SBDS: variants seen among roughly 807,000 people sequenced by gnomAD.
SBDS encodes ribosome maturation protein SBDS.
In SBDS, 20 loss-of-function variants were observed where a neutral mutation model predicts 26.4. That is an observed-to-expected ratio of 0.76 (90% CI 0.53 to 1.10). The LOEUF (loss-of-function observed/expected upper bound fraction) is 1.10, where lower values mean the gene tolerates loss of function less well. Among genes scored for constraint, SBDS ranks in the 50% least tolerant of loss-of-function variants. The pLI is 0.00. For missense variants in SBDS, 241 were observed against 302.0 expected, an observed-to-expected ratio of 0.80 and a Z score of 1.50; for synonymous variants, 95 against 105.1, an observed-to-expected ratio of 0.90 and a Z score of 0.59.
rs78810914 is a variant in SBDS at position 66,991,750 on chromosome 7, C to CGGG, written c.460-452_460-450dup. 1.4e-3 allele frequency among the ~76,000 whole-genome samples: 67 copies of CGGG among 47,530 alleles called. No individual in the cohort carries two copies. The East Asian group carries it at 0.019, about 14-fold the overall frequency. The allele number at this position is 47,530 out of a possible 152,430, so 31.2% of individuals were successfully genotyped here. A position where few individuals can be genotyped will look rare whatever the true frequency, so the allele number is the denominator to read the frequency against. On this transcript the variant is annotated intron_variant, in intron 3 of 4. Coordinates refer to ENST00000246868, the MANE Select transcript of SBDS (RefSeq NM_016038.4). ...GGAGGCAGAGTTTGCAAAAAGAGGG[C>CGGG]GGGGGGGGTGGGCAAAGAACCTGAA...
chr7:66,990,310 GC>G (rs1364480305), intron 4 of SBDS, among the ~76,000 whole-genome samples: 2 of 152,182 alleles, frequency 1.3e-5, no homozygotes, highest in Non-Finnish European at 2.9e-5. Context: ...GAGCCACCGC[GC>G]CCAGCCAGGA....
At chr7:66,991,360 A>G in intron 3 of SBDS, 59 bp from the exon 4 acceptor site, 2 of 1,344,768 alleles carry the variant, frequency 1.5e-6, no homozygotes, top group Admixed American at 3.8e-5. Flanking sequence ...TAAGGTTTTC[A>G]AAAACAAAGT....
At chr7:66,993,144 C>T in intron 3 of SBDS, 73 bp downstream of exon 3, 8 of 1,359,612 alleles carry the variant, frequency 5.9e-6, no homozygotes, top group Non-Finnish European at 6.3e-6. Context: ...GCCCCAGACC[C>T]ATTATTTTAA....
At chr7:66,990,781 CT>C in intron 4 of SBDS, among the ~76,000 whole-genome samples, 1 of 152,214 alleles carries the variant, frequency 6.6e-6, no homozygotes, top group East Asian at 1.9e-4. Context: ...CTTTGGGAGG[CT>C]GAGGCAGGTG....
intron 3 of SBDS, among the ~76,000 whole-genome samples, chr7:66,991,951 A>G (rs1792984803): frequency 6.6e-6 from 1 of 152,220 alleles, no homozygotes. Context: ...GAACTCTTAA[A>G]CACTGATGGT....
Position 66,988,009 on chromosome 7 carries a change from A to C in SBDS, c.*362T>G, listed in dbSNP as rs1792903879. 3.0e-6 allele frequency: 1 copy of C among 329,164 alleles called. No homozygotes were observed. Among genetic ancestry groups the C allele is most frequent in the South Asian group, 4.1e-5 (1 of 24,268 alleles). 20.4% of individuals were successfully genotyped at this position (329,164 alleles called of 1,614,324 possible). A position where few individuals can be genotyped will look rare whatever the true frequency, so the allele number is the denominator to read the frequency against. ...GGAAAGACCCCCCCTTTTGTTGTAT[A>C]GACATACCCCTAATAATCTTACTCT... On this transcript the variant is annotated 3_prime_UTR_variant, in exon 5 of 5. Coordinates refer to ENST00000246868, the MANE Select transcript of SBDS (RefSeq NM_016038.4).
chr7:66,991,495 C>G (rs181346263), intron 3 of SBDS, among the ~76,000 whole-genome samples, 194 bp from the exon 4 acceptor site: 6 of 151,932 alleles, frequency 3.9e-5, no homozygotes, highest in African/African-American at 1.4e-4. Flanking sequence ...TTTCAAAAAA[C>G]TATGAAGAAA....
chr7:66,994,573 T>C lies in SBDS; in HGVS notation c.129-232A>G, dbSNP rs183083099. On this transcript the variant is annotated intron_variant, in intron 1 of 4. Transcript: ENST00000246868. ...GCAATGGCGCGATCTCGGGTCACTG[T>C]AACCTCAGCCTCCCGGGTTCAAGTG... 6.0e-3 allele frequency among the ~76,000 whole-genome samples: 904 copies of C among 150,584 alleles called. 14 individuals are homozygous for C. Among genetic ancestry groups the C allele is most frequent in the East Asian group, 0.042 (210 of 5,014 alleles).
Position 66,995,579 on chromosome 7 carries a change from G to C in SBDS, c.-162C>G. 5 of 1,034,678 alleles carry C rather than the reference G, an allele frequency of 4.8e-6. No homozygotes were observed. The highest frequency in any genetic ancestry group is 7.2e-6 in the Non-Finnish European group (5 of 698,530). 64.1% of individuals were successfully genotyped at this position (1,034,678 alleles called of 1,614,324 possible). A position where few individuals can be genotyped will look rare whatever the true frequency, so the allele number is the denominator to read the frequency against. The stretch of plus-strand genomic sequence containing the variant: ...TCACTAGCTTCAGGCAGCCGTCACA[G>C]TGTGTCTGGCAGGCTTACTTACTGC... On this transcript the variant is annotated 5_prime_UTR_variant, in exon 1 of 5. Transcript: ENST00000246868.
Position 66,988,287 on chromosome 7 carries a change from G to C in SBDS, c.*84C>G. The C allele has an allele frequency of 1.4e-6, 2 of 1,435,942 alleles. No individual in the cohort carries two copies. The highest frequency in any genetic ancestry group is 1.9e-6 in the Non-Finnish European group (2 of 1,028,430). 89.0% of individuals were successfully genotyped at this position (1,435,942 alleles called of 1,614,324 possible). On this transcript the variant is annotated 3_prime_UTR_variant, in exon 5 of 5. Transcript: ENST00000246868. ...AGAAAATGTCAAATAGTTTAAGCAA[G>C]TATTTGGCAGACCACAGACATGAAA...
chr7:66,994,548 G>A (rs1332145000), intron 1 of SBDS, among the ~76,000 whole-genome samples: 2 of 150,932 alleles, frequency 1.3e-5, no homozygotes, highest in African/African-American at 2.4e-5. Context: ...AGGCTGGAGT[G>A]CAATGGCGCG....
intron 3 of SBDS, among the ~76,000 whole-genome samples, chr7:66,992,551 G>C (rs1792995261): frequency 6.6e-6 from 1 of 151,600 alleles, no homozygotes; most frequent in South Asian, 2.1e-4. Flanking sequence ...TTAAAAGTTT[G>C]ATTTGGATAG....
intron 4 of SBDS, 129 bp from the exon 5 acceptor site, chr7:66,988,628 A>C (rs571801866): frequency 1.8e-6 from 2 of 1,113,338 alleles, no homozygotes; most frequent in Non-Finnish European, 2.6e-6. Context: ...TCTATGGTGC[A>C]ATAGATAAGA....
intron 4 of SBDS, among the ~76,000 whole-genome samples, chr7:66,990,629 A>G (rs955984113): frequency 6.6e-6 from 1 of 152,248 alleles, no homozygotes; most frequent in Non-Finnish European, 1.5e-5. Context: ...AAAATCATGT[A>G]TCTAAAACAC....
chr7:66,989,485 C>T (rs568302204), intron 4 of SBDS, among the ~76,000 whole-genome samples: 122 of 152,048 alleles, frequency 8.0e-4, no homozygotes, highest in Non-Finnish European at 1.3e-3. Context: ...GCAGAGGTTG[C>T]AGTGAGCTGA....
chr7:66,988,645 GT>G lies in SBDS; in HGVS notation c.625-147del, dbSNP rs1792916339. The G allele has an allele frequency of 4.1e-6, 4 of 985,752 alleles. No individual in the cohort carries two copies. The East Asian group carries it at 1.0e-4, about 26-fold the overall frequency. The allele number at this position is 985,752 out of a possible 1,614,324, so 61.1% of individuals were successfully genotyped here. ...TATGGTGCAATAGATAAGACAATGG[GT>G]AGGGCGGCACACTGGGTTCCAGTTT... On this transcript the variant is annotated intron_variant, in intron 4 of 4. Coordinates refer to ENST00000246868, the MANE Select transcript of SBDS (RefSeq NM_016038.4).
At chr7:66,993,533 C>T in intron 2 of SBDS, 116 bp from the exon 3 acceptor site, 1 of 824,698 alleles carries the variant, frequency 1.2e-6, no homozygotes, top group Non-Finnish European at 2.0e-6. Flanking sequence ...TTCATCCTCT[C>T]CAGCTATCAA....
rs996755069 is a variant in SBDS at position 66,992,501 on chromosome 7, G to C, written c.459+716C>G. Among the ~76,000 whole-genome samples, 3 of 151,900 alleles carry C rather than the reference G, an allele frequency of 2.0e-5. No homozygotes were observed. The South Asian group carries it at 6.2e-4, about 32-fold the overall frequency. ...ATATATAAATTAAAAAATTCAAAAA[G>C]AAGTGTTAAAATGACCCTTTAAAAA... is the stretch of plus-strand genomic sequence containing the variant. On this transcript the variant is annotated intron_variant, in intron 3 of 4. Coordinates refer to ENST00000246868, the MANE Select transcript of SBDS (RefSeq NM_016038.4).
chr7:66,987,735 A>G lies in SBDS; in HGVS notation c.*636T>C, dbSNP rs1285920376. ...ATAAGAGTGGTTTTATTGATTACATACAATTTTAGCTATATTAATATATAT... is the reference window on the plus strand; with the variant it reads ...ATAAGAGTGGTTTTATTGATTACATGCAATTTTAGCTATATTAATATATAT... On this transcript the variant is annotated 3_prime_UTR_variant, in exon 5 of 5. Coordinates refer to ENST00000246868, the MANE Select transcript of SBDS (RefSeq NM_016038.4). The G allele has an allele frequency of 1.8e-5, 3 of 170,966 alleles. No individual in the cohort carries two copies. Among genetic ancestry groups the G allele is most frequent in the Non-Finnish European group, 3.8e-5 (3 of 78,908 alleles). 10.6% of individuals were successfully genotyped at this position (170,966 alleles called of 1,614,324 possible).
Sources: gnomAD v4.1 joint callset for allele counts (sites outside exome capture counted in the v4.1 genomes callset) on GRCh38, gnomAD v4.1.1 for gene constraint, MANE v1.5 for transcripts, NCBI Gene and HGNC (gene_info 2026-07-23, HGNC 2026-07-21) for gene names.